The following GLT8D1 variants were observed in gnomAD, a reference collection of about 807,000 sequenced individuals.
The protein encoded by GLT8D1 is glycosyltransferase 8 domain-containing protein 1.
A neutral mutation model predicts 46.2 loss-of-function variants in GLT8D1; 41 were observed. That is an observed-to-expected ratio of 0.89 (90% CI 0.69 to 1.15). GLT8D1 has a LOEUF of 1.15. GLT8D1 is among the 50% of genes most tolerant of loss of function. GLT8D1 has a pLI of 0.00. For missense variants in GLT8D1, 408 were observed against 449.3 expected (o/e 0.91, Z 0.83); for synonymous variants, 150 against 154.2 (o/e 0.97, Z 0.20).
intron 1 of GLT8D1, chr3:52,703,476 A>G (rs1044065796): frequency 1.5e-4 from 22 of 151,498 alleles, no homozygotes; most frequent in African/African-American, 5.3e-4. Context: ...ACCCTAAGTC[A>G]TATGCCTCTA....
At position 52,694,804 on chromosome 3, in the gene GLT8D1, G is replaced by A; in HGVS notation, c.*41C>T. The A allele has an allele frequency of 7.2e-7, 1 of 1,391,850 alleles. No homozygotes were observed. The allele number at this position is 1,391,850 out of a possible 1,614,324, so 86.2% of individuals were successfully genotyped here. On this transcript the variant is annotated 3_prime_UTR_variant, in exon 10 of 10. Coordinates refer to ENST00000266014, the MANE Select transcript of GLT8D1 (RefSeq NM_018446.4). ...TACTTCCCACGCATGCTATCTTCCA[G>A]GACTTCCTGAGAAATGCTTGCTTAC...
At chr3:52,701,824 T>C (rs887804627) in intron 1 of GLT8D1, among the ~76,000 whole-genome samples, 6 of 152,242 alleles carry the variant, frequency 3.9e-5, no homozygotes, top group Admixed American at 2.6e-4. Flanking sequence ...AACAAGATAG[T>C]AGGTGGAACT....
intron 7 of GLT8D1, 130 bp from the exon 8 acceptor site, chr3:52,695,717 T>G (rs920331271): frequency 3.0e-6 from 2 of 661,550 alleles, no homozygotes; most frequent in South Asian, 3.9e-5. Context: ...AATTCCAAGT[T>G]AGAATAGGAA....
rs550240727 is a variant in GLT8D1, at chr3:52,696,740, G to A, written c.330-81C>T. 86 of 765,536 alleles carry A rather than the reference G, an allele frequency of 1.1e-4. 1 individual carries two copies. In the African/African-American group the frequency reaches 1.4e-3, roughly 13 times the overall value. The allele number at this position is 765,536 out of a possible 1,614,324, so 47.4% of individuals were successfully genotyped here. A position where few individuals can be genotyped will look rare whatever the true frequency, so the allele number is the denominator to read the frequency against. Reference sequence around the variant, plus strand: ...GGGAATAATGCAAAAGAAACCCTATGGACCAAATAGGTGTTTTCAAGCTCC... The same window carrying A: ...GGGAATAATGCAAAAGAAACCCTATAGACCAAATAGGTGTTTTCAAGCTCC... On this transcript the variant is annotated intron_variant, in intron 4 of 9. Coordinates refer to ENST00000266014, the MANE Select transcript of GLT8D1 (RefSeq NM_018446.4).
intron 3 of GLT8D1, 83 bp from the exon 4 acceptor site, chr3:52,698,017 G>T: frequency 1.2e-6 from 1 of 855,548 alleles, no homozygotes; most frequent in Non-Finnish European, 2.0e-6. Context: ...GGGAAGGTAA[G>T]GATTATGGTA....
intron 4 of GLT8D1, chr3:52,697,361 A>G: frequency 3.7e-6 from 1 of 270,646 alleles, no homozygotes; most frequent in East Asian, 8.8e-5. Flanking sequence ...GTCCCTTCCC[A>G]CTCTAGACCA....
At chr3:52,697,663 G>T in intron 4 of GLT8D1, 58 bp downstream of exon 4, 1 of 1,107,340 alleles carries the variant, frequency 9.0e-7, no homozygotes, top group Non-Finnish European at 1.4e-6. Context: ...ATCCTGGATT[G>T]GCAGCTGGCC....
At chr3:52,695,641 AT>A in intron 7 of GLT8D1, 54 bp from the exon 8 acceptor site, 1 of 1,042,970 alleles carries the variant, frequency 9.6e-7, no homozygotes, top group Non-Finnish European at 1.5e-6. Flanking sequence ...AATAGATACA[AT>A]TTTATAGCCA....
chr3:52,703,795 C>T (rs2097341345), intron 1 of GLT8D1: 1 of 152,184 alleles, frequency 6.6e-6, no homozygotes, highest in Admixed American at 6.5e-5. Context: ...CCACAGTTAC[C>T]TACATGCAAA....
At chr3:52,696,769 T>C (rs1008140952) in intron 4 of GLT8D1, 110 bp from the exon 5 acceptor site, 7 of 665,254 alleles carry the variant, frequency 1.1e-5, no homozygotes, top group Non-Finnish European at 8.0e-6. Context: ...AAGCTCCTTT[T>C]ATCTCTGAGC....
chr3:52,694,685 C>G lies in GLT8D1; in HGVS notation c.*160G>C. On this transcript the variant is annotated 3_prime_UTR_variant, in exon 10 of 10. Coordinates refer to ENST00000266014, the MANE Select transcript of GLT8D1 (RefSeq NM_018446.4). ...TATAGTCTATAGTCTGTCTGGGAAG[C>G]TGACTGCCAGACAGGGCAGTTTGTC... 1 of 670,282 alleles carries G rather than the reference C, an allele frequency of 1.5e-6. No individual in the cohort carries two copies. Among genetic ancestry groups the G allele is most frequent in the Non-Finnish European group, 2.7e-6 (1 of 367,982 alleles). 41.5% of individuals were successfully genotyped at this position (670,282 alleles called of 1,614,324 possible). A position where few individuals can be genotyped will look rare whatever the true frequency, so the allele number is the denominator to read the frequency against.
In GLT8D1 at chr3:52,694,624, T is replaced by C; in HGVS notation, c.*221A>G. The C allele has an allele frequency of 4.9e-6, 3 of 609,498 alleles. No individual in the cohort carries two copies. The South Asian group carries it at 5.9e-5, about 12-fold the overall frequency. 37.8% of individuals were successfully genotyped at this position (609,498 alleles called of 1,614,324 possible). On this transcript the variant is annotated 3_prime_UTR_variant, in exon 10 of 10. Transcript: ENST00000266014. ...TCTTTCCAGTCATTCAGCATTGTAGTAAGAAAACACTTGGTAAGGCAGATG... is the reference window on the plus strand; with the variant it reads ...TCTTTCCAGTCATTCAGCATTGTAGCAAGAAAACACTTGGTAAGGCAGATG...
In GLT8D1 at chr3:52,705,708, A is replaced by T; in HGVS notation, c.-298T>A. 2.0e-6 allele frequency: 1 copy of T among 509,992 alleles called. No homozygotes were observed. Among genetic ancestry groups the T allele is most frequent in the Non-Finnish European group, 2.8e-6 (1 of 360,212 alleles). The allele number at this position is 509,992 out of a possible 1,614,324, so 31.6% of individuals were successfully genotyped here. A position where few individuals can be genotyped will look rare whatever the true frequency, so the allele number is the denominator to read the frequency against. On this transcript the variant is annotated 5_prime_UTR_variant, in exon 1 of 10. Transcript: ENST00000266014. ...GCTGGGCCGAGCACACTTGCCCTCTAGCTCCGTGGCAGCCGCGCAGCCCCA... is the reference window on the plus strand; with the variant it reads ...GCTGGGCCGAGCACACTTGCCCTCTTGCTCCGTGGCAGCCGCGCAGCCCCA...
chr3:52,697,745 A>G lies in GLT8D1; in HGVS notation c.305T>C (p.Leu102Pro). Reference protein sequence around the residue: ...RSNVIFYIVTLNNTADHLRSW... With the variant: ...RSNVIFYIVTPNNTADHLRSW... ...CCGGAGATGGTCTGCTGTATTGTTG[A>G]GAGTAACAATGTAGAAAATCACATT... Residue 102 changes from leucine (L) to proline (P), a missense_variant, in exon 4 of 10, where the codon CTC becomes CCC. Leu to Pro is a moderately conservative substitution (Grantham distance 98). Transcript: ENST00000266014. 1 of 1,610,844 alleles carries G rather than the reference A, an allele frequency of 6.2e-7. No individual in the cohort carries two copies. Among genetic ancestry groups the G allele is most frequent in the Non-Finnish European group, 8.5e-7 (1 of 1,176,950 alleles).
At chr3:52,695,807 G>C (rs1238099506) in intron 7 of GLT8D1, 121 bp downstream of exon 7, 1 of 676,892 alleles carries the variant, frequency 1.5e-6, no homozygotes, top group Non-Finnish European at 2.6e-6. Context: ...AGAAAAGCAG[G>C]CTTGAGTTTT....
intron 9 of GLT8D1, 61 bp from the exon 10 acceptor site, chr3:52,695,096 A>ACTT: frequency 6.8e-7 from 1 of 1,469,620 alleles, no homozygotes; most frequent in Admixed American, 1.7e-5. Context: ...CAGAAAACTT[A>ACTT]CTTAAGGGAA....
intron 3 of GLT8D1, 92 bp from the exon 4 acceptor site, chr3:52,698,026 T>C: frequency 1.3e-6 from 1 of 784,766 alleles, no homozygotes; most frequent in Non-Finnish European, 2.2e-6. Flanking sequence ...AGGATTATGG[T>C]ACTGATCTAC....
chr3:52,697,005 C>G (rs1400855613), intron 4 of GLT8D1, among the ~76,000 whole-genome samples: 3 of 67,388 alleles, frequency 4.5e-5, no homozygotes, highest in African/African-American at 1.9e-4. Context: ...TAAAGGAGTA[C>G]TGCACATTTT....
chr3:52,695,470 G>A lies in GLT8D1; in HGVS notation c.763C>T (p.Arg255Ter), dbSNP rs780919696. The A allele has an allele frequency of 7.4e-6, 12 of 1,613,626 alleles. No homozygotes were observed. The highest frequency in any genetic ancestry group is 2.2e-5 in the South Asian group (2 of 91,064). Reference protein sequence around the residue: ...VFVANLTEWKRQNITNQLEKW... With the variant: ...VFVANLTEWK ...TCCAGTTGGTTAGTTATATTCTGTC[G>A]TTTCCATTCCGTCAGGTTTGCAACA... Residue 255 changes from arginine to a stop codon, truncating the protein, a stop_gained, in exon 8 of 10, where the codon CGA becomes TGA. Transcript: ENST00000266014. LOFTEE classifies it high-confidence loss of function.
Sources: gnomAD v4.1 joint callset for allele counts (sites outside exome capture counted in the v4.1 genomes callset) on GRCh38, gnomAD v4.1.1 for gene constraint, MANE v1.5 for transcripts, NCBI Gene and HGNC (gene_info 2026-07-23, HGNC 2026-07-21) for gene names.